PRKD1: variants seen among roughly 807,000 people sequenced by gnomAD.
PRKD1 encodes serine/threonine-protein kinase D1.
Under a neutral mutation model 95.9 loss-of-function variants are expected in PRKD1, and 63 were observed. The ratio of observed to expected loss-of-function variants is 0.66; its 90% CI spans 0.54 to 0.81. The LOEUF (loss-of-function observed/expected upper bound fraction) is 0.81. Among genes scored for constraint, PRKD1 ranks in the 30% least tolerant of loss-of-function variants. The pLI is 0.00. For missense variants in PRKD1, 1,048 were observed against 1,165.3 expected (o/e 0.90, Z 1.47); for synonymous variants, 425 against 423.1 (o/e 1.00, Z -0.05).
At position 29,895,923 on chromosome 14, in the gene PRKD1, G is replaced by C. The variant is rs147276353; in HGVS notation, c.264+31326C>G. The stretch of plus-strand genomic sequence containing the variant: ...CTTAACCATACTTTTTACTTTTATA[G>C]ATAGCACTAATTATATTTAACTTTC... On this transcript the variant is annotated intron_variant, in intron 1 of 17. Transcript: ENST00000331968. 1.6e-4 allele frequency among the ~76,000 whole-genome samples: 25 copies of C among 152,230 alleles called. No individual in the cohort carries two copies. In the East Asian group the frequency reaches 4.6e-3, roughly 28 times the overall value.
At chr14:29,777,710 C>A (rs1452049503) in intron 1 of PRKD1, among the ~76,000 whole-genome samples, 1 of 152,144 alleles carries the variant, frequency 6.6e-6, no homozygotes, top group East Asian at 1.9e-4. Flanking sequence ...CTTTACCACC[C>A]CACTGTCAAT....
chr14:29,656,734 A>G (rs539551292), intron 4 of PRKD1, among the ~76,000 whole-genome samples: 2 of 152,204 alleles, frequency 1.3e-5, no homozygotes, highest in Non-Finnish European at 2.9e-5. Context: ...ACTAAGTAAA[A>G]ATTGCAAAAA....
intron 1 of PRKD1, among the ~76,000 whole-genome samples, chr14:29,869,235 G>A (rs1893018468): frequency 6.6e-6 from 1 of 152,098 alleles, no homozygotes; most frequent in Non-Finnish European, 1.5e-5. Flanking sequence ...CTGAGATTAG[G>A]AGTTTGAGAC....
At chr14:29,727,733 T>C (rs1886230076) in intron 1 of PRKD1, among the ~76,000 whole-genome samples, 1 of 152,102 alleles carries the variant, frequency 6.6e-6, no homozygotes, top group African/African-American at 2.4e-5. Context: ...CTGAGGGCTC[T>C]GTTCTGGCAA....
intron 2 of PRKD1, among the ~76,000 whole-genome samples, chr14:29,717,538 T>C (rs899764028): frequency 1.3e-5 from 2 of 152,132 alleles, no homozygotes; most frequent in Admixed American, 1.3e-4. Context: ...TATGTGGAGA[T>C]ATAACATAAA....
chr14:29,752,432 T>C (rs1326084120), intron 1 of PRKD1, among the ~76,000 whole-genome samples: 6 of 152,024 alleles, frequency 3.9e-5, no homozygotes, highest in African/African-American at 1.2e-4. Flanking sequence ...TGGAAGTAGG[T>C]TGTAACTTCC....
At chr14:29,648,687 C>T (rs1425695967) in intron 4 of PRKD1, among the ~76,000 whole-genome samples, 1 of 151,846 alleles carries the variant, frequency 6.6e-6, no homozygotes, top group Non-Finnish European at 1.5e-5. Context: ...GGGAGTCTCG[C>T]TCTGTTGCCC....
chr14:29,719,049 A>G (rs1445365864), intron 2 of PRKD1, among the ~76,000 whole-genome samples: 2 of 152,060 alleles, frequency 1.3e-5, no homozygotes, highest in Admixed American at 6.6e-5. Flanking sequence ...AGTAATTTGC[A>G]CTTTCTATAA....
chr14:29,615,964 G>C (rs1878825513), intron 13 of PRKD1, among the ~76,000 whole-genome samples: 1 of 152,076 alleles, frequency 6.6e-6, no homozygotes, highest in Non-Finnish European at 1.5e-5. Context: ...GATGTCCTAA[G>C]GATGGAAATG....
intron 2 of PRKD1, among the ~76,000 whole-genome samples, chr14:29,686,523 C>T (rs922742066): frequency 1.1e-4 from 17 of 152,212 alleles, no homozygotes; most frequent in Non-Finnish European, 8.8e-5. Context: ...GTCAGCTTTC[C>T]TTCTGGAGGT....
chr14:29,829,734 T>C (rs1385108291), intron 1 of PRKD1, among the ~76,000 whole-genome samples: 1 of 152,210 alleles, frequency 6.6e-6, no homozygotes, highest in East Asian at 1.9e-4. Flanking sequence ...AATCCTAACA[T>C]TATACACACT....
chr14:29,864,526 G>A (rs970716623), intron 1 of PRKD1, among the ~76,000 whole-genome samples: 1 of 152,034 alleles, frequency 6.6e-6, no homozygotes, highest in Non-Finnish European at 1.5e-5. Flanking sequence ...GAAAAGAAAA[G>A]CTACTTTTTC....
intron 1 of PRKD1, among the ~76,000 whole-genome samples, chr14:29,856,973 A>C (rs935455511): frequency 6.6e-6 from 1 of 152,174 alleles, no homozygotes; most frequent in African/African-American, 2.4e-5. Context: ...TAGTAGGGAA[A>C]AGAAAAGAGA....
intron 1 of PRKD1, among the ~76,000 whole-genome samples, chr14:29,897,763 C>G (rs950493066): frequency 2.6e-5 from 4 of 152,102 alleles, no homozygotes; most frequent in Non-Finnish European, 5.9e-5. Context: ...AAACTGGTTG[C>G]TTCCATACAA....
intron 2 of PRKD1, among the ~76,000 whole-genome samples, chr14:29,713,048 G>C (rs540151531): frequency 6.6e-6 from 1 of 152,206 alleles, no homozygotes; most frequent in African/African-American, 2.4e-5. Context: ...AATGATCACT[G>C]ATCTTGAGGG....
intron 4 of PRKD1, among the ~76,000 whole-genome samples, chr14:29,648,671 T>C (rs1268347606): frequency 6.6e-6 from 1 of 151,830 alleles, no homozygotes; most frequent in Non-Finnish European, 1.5e-5. Context: ...TTCTGTTTTT[T>C]TGACAGGGAG....
rs1331817070 is a variant in PRKD1, at chr14:29,700,970, GCGCA to G, written c.403+24562_403+24565del. On this transcript the variant is annotated intron_variant, in intron 2 of 17. Transcript: ENST00000331968. ...TCCCAAGGCATTTGTGTGTACGCGT[GCGCA>G]TGCGCGCGCGCGCGCACACACACAC... 3.5e-4 allele frequency among the ~76,000 whole-genome samples: 13 copies of G among 36,978 alleles called. No individual in the cohort carries two copies. In the African/African-American group the frequency reaches 3.6e-3, roughly 10 times the overall value. The allele number at this position is 36,978 out of a possible 152,430, so 24.3% of individuals were successfully genotyped here.
chr14:29,755,504 A>G (rs1400918739), intron 1 of PRKD1, among the ~76,000 whole-genome samples: 1 of 152,094 alleles, frequency 6.6e-6, no homozygotes, highest in African/African-American at 2.4e-5. Context: ...GGCGACACAG[A>G]GTGCCGGAAA....
chr14:29,650,959 C>G (rs1291857142), intron 4 of PRKD1, among the ~76,000 whole-genome samples: 1 of 152,164 alleles, frequency 6.6e-6, no homozygotes, highest in East Asian at 1.9e-4. Context: ...CCTATTACAG[C>G]TAAACTTTTT....
Sources: allele counts gnomAD v4.1 joint callset (sites outside exome capture counted in the v4.1 genomes callset), GRCh38; gene constraint gnomAD v4.1.1; transcripts MANE v1.5; gene names NCBI Gene and HGNC (gene_info 2026-07-23, HGNC 2026-07-21).